CEP83: variants seen among roughly 807,000 people sequenced by gnomAD.
The protein encoded by CEP83 is centrosomal protein 83.
CEP83 carries 70 observed loss-of-function variants against 101.9 expected under a neutral mutation model. That is an observed-to-expected ratio of 0.69 (90% confidence interval 0.57 to 0.84). The LOEUF (loss-of-function observed/expected upper bound fraction) is 0.84. CEP83 is among the 40% of genes least tolerant of loss of function. CEP83 has a pLI of 0.00. For missense variants in CEP83, 715 were observed against 787.2 expected (o/e 0.91, Z 1.10); for synonymous variants, 264 against 267.9 (o/e 0.99, Z 0.14).
rs140847791 is a variant in CEP83, at chr12:94,378,515, G to A, written c.801+276C>T. On this transcript the variant is annotated intron_variant, in intron 7 of 16. Coordinates refer to ENST00000397809, the MANE Select transcript of CEP83 (RefSeq NM_016122.3). ...ACTCAAATACATATATTTTTATTTTGCATATTCTATTATGTGGCATTTTAA... is the reference window on the plus strand; with the variant it reads ...ACTCAAATACATATATTTTTATTTTACATATTCTATTATGTGGCATTTTAA... Among the ~76,000 whole-genome samples the A allele has an allele frequency of 1.7e-3, 257 of 152,164 alleles. 1 individual carries two copies. In the East Asian group the frequency reaches 0.026, roughly 16 times the overall value.
chr12:94,328,821 G>C (rs918265124), intron 14 of CEP83, among the ~76,000 whole-genome samples: 1 of 152,190 alleles, frequency 6.6e-6, no homozygotes, highest in African/African-American at 2.4e-5. Flanking sequence ...ACCAGACTGA[G>C]AACAGAAACA....
intron 8 of CEP83, among the ~76,000 whole-genome samples, chr12:94,375,673 AC>A (rs2061496839): frequency 6.6e-6 from 1 of 152,334 alleles, no homozygotes; most frequent in East Asian, 1.9e-4. Flanking sequence ...AGAACTAAAC[AC>A]AAAATTTGTC....
chr12:94,286,616 C>CAA, the CEP83 span, among the ~76,000 whole-genome samples: 185 of 101,400 alleles, frequency 1.8e-3, 1 homozygote, highest in African/African-American at 3.3e-3. Flanking sequence ...TGCTTAAAAG[C>CAA]AAAAAAAAAA....
chr12:94,387,356 G>A (rs533022564), intron 6 of CEP83, among the ~76,000 whole-genome samples: 96 of 152,224 alleles, frequency 6.3e-4, no homozygotes, highest in African/African-American at 2.1e-3. Flanking sequence ...ACCCTATTGC[G>A]AACTGCACAT....
chr12:94,343,470 C>CT (rs1161481202), intron 11 of CEP83, among the ~76,000 whole-genome samples: 1,417 of 84,154 alleles, frequency 0.017, 193 homozygotes, highest in African/African-American at 0.038. Flanking sequence ...TAGAAATTAA[C>CT]TTTTTTTTTT....
intron 11 of CEP83, among the ~76,000 whole-genome samples, chr12:94,341,414 C>T (rs1446110637): frequency 1.3e-5 from 2 of 152,122 alleles, no homozygotes; most frequent in Non-Finnish European, 2.9e-5. Flanking sequence ...CAATCTGTCA[C>T]GGGTTATCTA....
the CEP83 span, chr12:94,279,842 G>C: frequency 2.9e-6 from 2 of 700,540 alleles, no homozygotes; most frequent in African/African-American, 3.5e-5. Flanking sequence ...CTGATTCTTC[G>C]AAGGAAGCAC....
the CEP83 span, among the ~76,000 whole-genome samples, chr12:94,289,373 A>G: frequency 6.6e-6 from 1 of 152,214 alleles, no homozygotes; most frequent in South Asian, 2.1e-4. Flanking sequence ...TTGTTGTCAC[A>G]TCGAATCCTA....
chr12:94,363,785 C>G (rs1593431793), intron 11 of CEP83, among the ~76,000 whole-genome samples: 1 of 151,450 alleles, frequency 6.6e-6, no homozygotes, highest in Middle Eastern at 3.4e-3. Flanking sequence ...GGCATCTCTA[C>G]AAAAATACAA....
intron 11 of CEP83, among the ~76,000 whole-genome samples, chr12:94,355,124 T>C (rs984376117): frequency 2.0e-5 from 3 of 152,180 alleles, no homozygotes; most frequent in Admixed American, 1.3e-4. Context: ...TGAAAGTTTA[T>C]AGCAATAAAT....
At chr12:94,294,993 GGA>G in the CEP83 span, among the ~76,000 whole-genome samples, 3,921 of 152,276 alleles carry the variant, frequency 0.026, 186 homozygotes, top group African/African-American at 0.09. Flanking sequence ...CCCAGAAATT[GGA>G]GAGAGACAAA....
intron 6 of CEP83, among the ~76,000 whole-genome samples, chr12:94,389,340 C>T (rs2062367269): frequency 1.3e-5 from 2 of 152,018 alleles, no homozygotes; most frequent in Admixed American, 1.3e-4. Flanking sequence ...ATGATAATAA[C>T]TGTGAGGTAT....
intron 5 of CEP83, among the ~76,000 whole-genome samples, chr12:94,401,826 C>T (rs920600117): frequency 1.3e-5 from 2 of 151,986 alleles, no homozygotes; most frequent in South Asian, 4.2e-4. Flanking sequence ...TGTTTATTTA[C>T]AAAAATTAAA....
intron 6 of CEP83, among the ~76,000 whole-genome samples, chr12:94,396,219 C>T (rs2062881750): frequency 6.6e-6 from 1 of 150,690 alleles, no homozygotes; most frequent in Non-Finnish European, 1.5e-5. Context: ...GCAACTTCAG[C>T]ATTTCACCTG....
intron 6 of CEP83, among the ~76,000 whole-genome samples, chr12:94,380,032 G>A (rs2061751882): frequency 7.5e-6 from 1 of 133,758 alleles, no homozygotes; most frequent in Non-Finnish European, 1.6e-5. Context: ...TTGTAGCCAG[G>A]ATGAACATCA....
intron 2 of CEP83, among the ~76,000 whole-genome samples, chr12:94,432,873 A>C (rs2065744864): frequency 6.6e-6 from 1 of 152,232 alleles, no homozygotes. Context: ...CTATGTGCCA[A>C]TTTAAAAAGA....
At chr12:94,392,765 T>C (rs1054259989) in intron 6 of CEP83, among the ~76,000 whole-genome samples, 2 of 151,064 alleles carry the variant, frequency 1.3e-5, no homozygotes, top group Admixed American at 6.6e-5. Flanking sequence ...AAGAATCAAA[T>C]AGATACAATA....
At chr12:94,437,310 A>G (rs984444067) in intron 1 of CEP83, among the ~76,000 whole-genome samples, 2 of 152,202 alleles carry the variant, frequency 1.3e-5, no homozygotes, top group African/African-American at 4.8e-5. Flanking sequence ...GTGCCACTGC[A>G]CTCCAGCCTG....
intron 8 of CEP83, among the ~76,000 whole-genome samples, chr12:94,375,052 C>T (rs941033195): frequency 2.0e-5 from 3 of 151,970 alleles, no homozygotes; most frequent in Non-Finnish European, 2.9e-5. Context: ...TACTATGTGC[C>T]GGCACCATTC....
Sources: allele counts gnomAD v4.1 joint callset (sites outside exome capture counted in the v4.1 genomes callset), GRCh38; gene constraint gnomAD v4.1.1; transcripts MANE v1.5; gene names NCBI Gene and HGNC (gene_info 2026-07-23, HGNC 2026-07-21).